The following SIL1 variants were observed in gnomAD, a reference collection of about 807,000 sequenced individuals.
The protein encoded by SIL1 is SIL1 nucleotide exchange factor, also known as nucleotide exchange factor SIL1.
A neutral mutation model predicts 49.1 loss-of-function variants in SIL1; 40 were observed. The ratio of observed to expected loss-of-function variants is 0.81; its 90% confidence interval spans 0.63 to 1.06. The LOEUF is 1.06. SIL1 is among the 50% of genes least tolerant of loss of function. The pLI is 0.00. For synonymous variants in SIL1, 253 were observed against 250.8 expected (o/e 1.01, Z -0.08); for missense variants, 500 against 572.6 (o/e 0.87, Z 1.29).
Position 138,947,298 on chromosome 5 carries a change from C to T in SIL1, c.1205G>A (p.Gly402Asp), listed in dbSNP as rs1050490804. 1.2e-6 allele frequency: 2 copies of T among 1,613,376 alleles called. No homozygotes were observed. Among genetic ancestry groups the T allele is most frequent in the African/African-American group, 2.7e-5 (2 of 74,918 alleles). ...DAREKVLQTL[G>D]VLLTTCRDRY... ...GTCCCGGCAGGTGGTCAGGAGGACGCCCAGTGTCTGCAGCACCTTCTCACG... is the reference window on the plus strand; with the variant it reads ...GTCCCGGCAGGTGGTCAGGAGGACGTCCAGTGTCTGCAGCACCTTCTCACG... Residue 402 changes from glycine to aspartate, a missense_variant, in exon 10 of 10, where the codon GGC becomes GAC. Gly to Asp is a moderately conservative substitution (Grantham distance 94). Transcript: ENST00000394817. The surrounding 1 kb of genome is among the most constrained non-coding windows in gnomAD (Gnocchi z 4.1).
At chr5:139,121,960 C>T (rs1304722194) in intron 2 of SIL1, among the ~76,000 whole-genome samples, 1 of 152,126 alleles carries the variant, frequency 6.6e-6, no homozygotes, top group Non-Finnish European at 1.5e-5. Flanking sequence ...CTTCCTATCC[C>T]ATTTTTAAAC....
intron 7 of SIL1, among the ~76,000 whole-genome samples, chr5:138,967,472 A>G (rs1050270672): frequency 2.0e-5 from 3 of 152,240 alleles, no homozygotes; most frequent in Non-Finnish European, 4.4e-5. Context: ...CAGAAGACCC[A>G]GGCCGTGAGG....
intron 7 of SIL1, among the ~76,000 whole-genome samples, chr5:138,979,157 C>T (rs181554962): frequency 2.3e-3 from 353 of 152,030 alleles, no homozygotes; most frequent in Non-Finnish European, 4.1e-3. Context: ...CTCTGCCTCC[C>T]GGGTTCAAGC....
intron 4 of SIL1, among the ~76,000 whole-genome samples, chr5:139,048,213 T>G (rs1192591771): frequency 2.0e-5 from 3 of 152,008 alleles, no homozygotes; most frequent in Non-Finnish European, 4.4e-5. Context: ...TACAGTGGCA[T>G]AATCACGGCT....
At position 138,951,035 on chromosome 5, in the gene SIL1, GTC is replaced by G. The variant is rs964164166; in HGVS notation, c.1029+134_1029+135del. 11 of 995,966 alleles carry G rather than the reference GTC, an allele frequency of 1.1e-5. No individual in the cohort carries two copies. In the Admixed American group the frequency reaches 1.8e-4, roughly 16 times the overall value. 61.7% of individuals were successfully genotyped at this position (995,966 alleles called of 1,614,324 possible). On this transcript the variant is annotated intron_variant, in intron 9 of 9. Coordinates refer to ENST00000394817, the MANE Select transcript of SIL1 (RefSeq NM_022464.5). ...CTGACGTCCCCAATCTCTTCCAACT[GTC>G]TGTCTGTCCATCCATCCAGAAGCAC...
chr5:139,143,342 CACATATATAT>C (rs1751128992), intron 1 of SIL1, among the ~76,000 whole-genome samples: 1 of 90,642 alleles, frequency 1.1e-5, no homozygotes, highest in African/African-American at 6.2e-5. Flanking sequence ...CACACACACA[CACATATATAT>C]ATATATATAT....
At chr5:138,986,751 C>T (rs1009757267) in intron 7 of SIL1, among the ~76,000 whole-genome samples, 1 of 152,204 alleles carries the variant, frequency 6.6e-6, no homozygotes, top group African/African-American at 2.4e-5. Flanking sequence ...GAAATTAAGA[C>T]TGATTTCATC....
At chr5:139,004,690 T>C (rs1768069232) in intron 7 of SIL1, among the ~76,000 whole-genome samples, 1 of 152,184 alleles carries the variant, frequency 6.6e-6, no homozygotes, top group South Asian at 2.1e-4. Flanking sequence ...GAAGTTCTAT[T>C]TGTGAATCAA....
intron 1 of SIL1, among the ~76,000 whole-genome samples, chr5:139,176,004 C>T (rs1295162786): frequency 1.3e-5 from 2 of 152,010 alleles, no homozygotes; most frequent in African/African-American, 4.8e-5. Context: ...TCTCTTATGA[C>T]CTTTTTTGTG....
intron 3 of SIL1, among the ~76,000 whole-genome samples, chr5:139,077,767 C>A (rs577641705): frequency 1.7e-4 from 26 of 152,290 alleles, no homozygotes; most frequent in South Asian, 1.5e-3. Context: ...ATAACCCCAA[C>A]ACACCCAAAA....
intron 4 of SIL1, 73 bp from the exon 5 acceptor site, chr5:139,042,792 C>G (rs1371040363): frequency 7.5e-7 from 1 of 1,334,950 alleles, no homozygotes; most frequent in Non-Finnish European, 1.1e-6. Context: ...AATCCCAGTA[C>G]TCTGGGTGGC....
chr5:139,118,237 G>A (rs1212433018), intron 3 of SIL1, among the ~76,000 whole-genome samples: 1 of 152,106 alleles, frequency 6.6e-6, no homozygotes, highest in East Asian at 1.9e-4. Flanking sequence ...TCTTCACATC[G>A]TAAGTTCCCT....
rs201541054 is a variant in SIL1 at position 139,068,672 on chromosome 5, AAAG to A, written c.245-17629_245-17627del. On this transcript the variant is annotated intron_variant, in intron 3 of 9. Transcript: ENST00000394817. ...ATGAAAAGGAAAAAAAAAAAAAAAAAAAGAAGAGAAAGCACTATGGATTTAGAA... is the reference window on the plus strand; with the variant it reads ...ATGAAAAGGAAAAAAAAAAAAAAAAAAAGAGAAAGCACTATGGATTTAGAA... Among the ~76,000 whole-genome samples, 175 of 148,126 alleles carry A rather than the reference AAAG, an allele frequency of 1.2e-3. 3 individuals carry two copies. Among genetic ancestry groups the A allele is most frequent in the Middle Eastern group, 3.6e-3 (1 of 276 alleles).
At chr5:139,010,381 T>C (rs1225059321) in intron 7 of SIL1, among the ~76,000 whole-genome samples, 3 of 150,522 alleles carry the variant, frequency 2.0e-5, no homozygotes, top group Admixed American at 6.6e-5. Flanking sequence ...TTTTTCAAAG[T>C]TTTCAACTTC....
At chr5:139,026,360 G>A (rs1381824645) in intron 6 of SIL1, among the ~76,000 whole-genome samples, 2 of 152,122 alleles carry the variant, frequency 1.3e-5, no homozygotes, top group African/African-American at 4.8e-5. Flanking sequence ...CCAGCACTTT[G>A]GGAGGACAAG....
intron 6 of SIL1, among the ~76,000 whole-genome samples, chr5:139,024,234 G>A (rs565066955): frequency 6.6e-6 from 1 of 152,332 alleles, no homozygotes; most frequent in African/African-American, 2.4e-5. Flanking sequence ...GGAGGACTGA[G>A]TTGGCAAATA....
At chr5:139,155,674 C>T (rs1371209680) in intron 1 of SIL1, among the ~76,000 whole-genome samples, 3 of 152,054 alleles carry the variant, frequency 2.0e-5, no homozygotes, top group Non-Finnish European at 4.4e-5. Context: ...AAGGGAGAGA[C>T]CTGTTCCCCC....
chr5:138,999,646 T>A (rs1262488957), intron 7 of SIL1, among the ~76,000 whole-genome samples: 1 of 152,224 alleles, frequency 6.6e-6, no homozygotes, highest in Non-Finnish European at 1.5e-5. Context: ...AGAGACCCTG[T>A]CTCTAAAAAT....
intron 1 of SIL1, among the ~76,000 whole-genome samples, chr5:139,189,280 T>C (rs1336858270): frequency 6.6e-6 from 1 of 152,210 alleles, no homozygotes; most frequent in Non-Finnish European, 1.5e-5. Context: ...AACGCTTGCA[T>C]TAACGCCTGA....
Sources: gnomAD v4.1 joint callset for allele counts (sites outside exome capture counted in the v4.1 genomes callset) on GRCh38, gnomAD v4.1.1 for gene constraint, Gnocchi (gnomAD v3.1) non-coding constraint, MANE v1.5 for transcripts, NCBI Gene and HGNC (gene_info 2026-07-23, HGNC 2026-07-21) for gene names.